Variants in SBF2 observed in about 807,000 individuals in gnomAD.
The protein encoded by SBF2 is myotubularin-related protein 13.
SBF2 carries 112 observed loss-of-function variants against 225.2 expected under a neutral mutation model. The observed-to-expected ratio is 0.50, with a 90% CI of 0.43 to 0.58. The LOEUF is 0.58. SBF2 is among the 20% of genes least tolerant of loss of function. The probability of loss-of-function intolerance (pLI) is 0.00; values close to 1 mark genes in which losing one functional copy is unlikely to be tolerated. For missense variants in SBF2, 1,996 were observed against 2,206.2 expected (o/e 0.90, Z 1.91); for synonymous variants, 763 against 773.3 (o/e 0.99, Z 0.22).
In SBF2 at chr11:10,108,530, T is replaced by C. The variant is rs1004774085; in HGVS notation, c.142-65549A>G. Among the ~76,000 whole-genome samples, 13 of 140,786 alleles carry C rather than the reference T, an allele frequency of 9.2e-5. No homozygotes were observed. In the South Asian group the frequency reaches 3.1e-3, roughly 34 times the overall value. The allele number at this position is 140,786 out of a possible 152,430, so 92.4% of individuals were successfully genotyped here. ...TAATAGTTAACTTTTTTTTTTTTTT[T>C]TTTTTTTTTTTTGAGACGGAGTCTC... is the stretch of plus-strand genomic sequence containing the variant. On this transcript the variant is annotated intron_variant, in intron 2 of 39. Transcript: ENST00000256190.
In SBF2 at chr11:9,841,534, C is replaced by CT. The variant is rs11289335; in HGVS notation, c.3256+1090dup. 7.5e-4 allele frequency among the ~76,000 whole-genome samples: 107 copies of CT among 143,126 alleles called. 1 individual carries two copies. Among genetic ancestry groups the CT allele is most frequent in the African/African-American group, 2.3e-3 (91 of 39,068 alleles). The allele number at this position is 143,126 out of a possible 152,430, so 93.9% of individuals were successfully genotyped here. On this transcript the variant is annotated intron_variant, in intron 25 of 39. Coordinates refer to ENST00000256190, the MANE Select transcript of SBF2 (RefSeq NM_030962.4). Reference sequence around the variant, plus strand: ...ACATACATACAAAACCACATAGGTTCTTTTTTTTTTTTTTGAGGCAGAGTC... The same window carrying CT: ...ACATACATACAAAACCACATAGGTTCTTTTTTTTTTTTTTTGAGGCAGAGTC...
intron 32 of SBF2, among the ~76,000 whole-genome samples, chr11:9,797,896 CAGG>C (rs1158130202): frequency 6.6e-6 from 1 of 152,086 alleles, no homozygotes. Context: ...CGCTTGTGTC[CAGG>C]AGTTCGAAGC....
At chr11:10,228,878 T>C (rs1958697368) in intron 1 of SBF2, among the ~76,000 whole-genome samples, 1 of 152,160 alleles carries the variant, frequency 6.6e-6, no homozygotes, top group Non-Finnish European at 1.5e-5. Flanking sequence ...ATTGGAATAG[T>C]TTCAGAAGGA....
intron 2 of SBF2, among the ~76,000 whole-genome samples, chr11:10,161,529 A>C (rs1955735980): frequency 6.6e-6 from 1 of 152,212 alleles, no homozygotes; most frequent in Non-Finnish European, 1.5e-5. Flanking sequence ...CTGGCTGTTC[A>C]CCAGTATCCA....
At chr11:10,098,217 G>A (rs35815123) in intron 2 of SBF2, among the ~76,000 whole-genome samples, 26,229 of 151,992 alleles carry the variant, frequency 0.17, 2,452 homozygotes, top group East Asian at 0.28. Context: ...GGACACTACC[G>A]TAGAGAAAAT....
intron 16 of SBF2, among the ~76,000 whole-genome samples, chr11:9,906,203 G>C (rs1196745240): frequency 6.6e-6 from 1 of 152,152 alleles, no homozygotes; most frequent in Non-Finnish European, 1.5e-5. Flanking sequence ...GAGGCCCAAG[G>C]CAATAAAGTT....
rs57653852 is a variant in SBF2 at position 10,258,081 on chromosome 11, TAC to T, written c.55+35932_55+35933del. 1.3e-3 allele frequency among the ~76,000 whole-genome samples: 179 copies of T among 138,930 alleles called. 1 individual carries two copies. The highest frequency in any genetic ancestry group is 3.1e-3 in the East Asian group (15 of 4,780). 91.1% of individuals were successfully genotyped at this position (138,930 alleles called of 152,430 possible). A position where few individuals can be genotyped will look rare whatever the true frequency, so the allele number is the denominator to read the frequency against. On this transcript the variant is annotated intron_variant, in intron 1 of 39. Transcript: ENST00000256190. ...TCTAAGAGGTATAAATACACACACA[TAC>T]ACACACACACACACACACACACACA... is the stretch of plus-strand genomic sequence containing the variant.
intron 28 of SBF2, among the ~76,000 whole-genome samples, chr11:9,824,967 C>T (rs1001043463): frequency 2.0e-5 from 3 of 152,106 alleles, no homozygotes; most frequent in Non-Finnish European, 4.4e-5. Flanking sequence ...TTCAAATTCA[C>T]TGAGAAAGAA....
intron 1 of SBF2, among the ~76,000 whole-genome samples, chr11:10,261,026 A>G (rs577680769): frequency 3.3e-5 from 5 of 152,304 alleles, no homozygotes; most frequent in African/African-American, 1.2e-4. Context: ...ATCTGAACAG[A>G]CCCTTCACCA....
In SBF2 at chr11:10,201,767, G is replaced by A. The variant is rs1331551944; in HGVS notation, c.56-7780C>T. 2.0e-5 allele frequency among the ~76,000 whole-genome samples: 3 copies of A among 152,248 alleles called. No homozygotes were observed. In the South Asian group the frequency reaches 6.2e-4, roughly 32 times the overall value. ...TCCCAGCACTTTGGGAGGCCAAGGCGGGCAGATCACTTGAGGTCAGGAGTT... is the reference window on the plus strand; with the variant it reads ...TCCCAGCACTTTGGGAGGCCAAGGCAGGCAGATCACTTGAGGTCAGGAGTT... On this transcript the variant is annotated intron_variant, in intron 1 of 39. Transcript: ENST00000256190.
At position 9,792,867 on chromosome 11, in the gene SBF2, C is replaced by G. The variant is rs147986348; in HGVS notation, c.4571-2184G>C. Among the ~76,000 whole-genome samples, 453 of 151,732 alleles carry G rather than the reference C, an allele frequency of 3.0e-3. 2 individuals carry two copies. Among genetic ancestry groups the G allele is most frequent in the African/African-American group, 0.01 (416 of 41,338 alleles). ...TCCTGGGCTCAAGTGATCCTCCCAC[C>G]GCAGCCTCCTGAACAGCTGCAACTA... is the stretch of plus-strand genomic sequence containing the variant. On this transcript the variant is annotated intron_variant, in intron 33 of 39. Coordinates refer to ENST00000256190, the MANE Select transcript of SBF2 (RefSeq NM_030962.4).
chr11:10,152,735 G>A (rs1441256109), intron 2 of SBF2, among the ~76,000 whole-genome samples: 1 of 152,102 alleles, frequency 6.6e-6, no homozygotes, highest in Non-Finnish European at 1.5e-5. Flanking sequence ...TATACCATAA[G>A]AAACATATAA....
chr11:9,844,141 C>T (rs1481468661), intron 24 of SBF2, among the ~76,000 whole-genome samples: 1 of 152,196 alleles, frequency 6.6e-6, no homozygotes, highest in East Asian at 1.9e-4. Context: ...AGGCTCCTCT[C>T]CGACCCTATG....
intron 28 of SBF2, among the ~76,000 whole-genome samples, chr11:9,818,997 C>A (rs1347636829): frequency 6.6e-6 from 1 of 152,214 alleles, no homozygotes; most frequent in Non-Finnish European, 1.5e-5. Context: ...GCTGGGATTA[C>A]AGGTGCGAGC....
At chr11:9,922,522 T>C (rs755496465) in intron 16 of SBF2, among the ~76,000 whole-genome samples, 19 of 152,218 alleles carry the variant, frequency 1.2e-4, no homozygotes, top group South Asian at 1.0e-3. Flanking sequence ...TTTGCCTAAA[T>C]AGAAGTTTAC....
rs1373769878 is a variant in SBF2, at chr11:9,868,955, T to C, written c.1930-10559A>G. Among the ~76,000 whole-genome samples, 3 of 152,334 alleles carry C rather than the reference T, an allele frequency of 2.0e-5. No homozygotes were observed. In the East Asian group the frequency reaches 5.8e-4, roughly 29 times the overall value. On this transcript the variant is annotated intron_variant, in intron 17 of 39. Transcript: ENST00000256190. ...GGATGTTGATTGTCAATGCCCAGATTTGTTAATATTAGAAGTTGTAAAATT... is the reference window on the plus strand; with the variant it reads ...GGATGTTGATTGTCAATGCCCAGATCTGTTAATATTAGAAGTTGTAAAATT...
At position 10,193,996 on chromosome 11, in the gene SBF2, A is replaced by G; in HGVS notation, c.56-9T>C. On this transcript the variant is annotated splice_polypyrimidine_tract_variant and intron_variant, in intron 1 of 39. Coordinates refer to ENST00000256190, the MANE Select transcript of SBF2 (RefSeq NM_030962.4). Reference sequence around the variant, plus strand: ...CAGACCTTCTCCTGATCCTGTTAATAAAATCAAAGTGAATCATTATTATAG... The same window carrying G: ...CAGACCTTCTCCTGATCCTGTTAATGAAATCAAAGTGAATCATTATTATAG... 1 of 1,573,610 alleles carries G rather than the reference A, an allele frequency of 6.4e-7. No homozygotes were observed. Among genetic ancestry groups the G allele is most frequent in the Non-Finnish European group, 8.7e-7 (1 of 1,143,210 alleles).
At chr11:9,805,833 A>G (rs936373726) in intron 32 of SBF2, among the ~76,000 whole-genome samples, 1 of 152,144 alleles carries the variant, frequency 6.6e-6, no homozygotes, top group Non-Finnish European at 1.5e-5. Context: ...CATGTTGGCC[A>G]GGATGGTTTT....
intron 2 of SBF2, among the ~76,000 whole-genome samples, chr11:10,102,140 G>T (rs1457896716): frequency 1.3e-5 from 2 of 152,152 alleles, no homozygotes; most frequent in Non-Finnish European, 2.9e-5. Context: ...TTAAGGTCAG[G>T]TATCAGATTT....
Sources: allele counts gnomAD v4.1 joint callset (sites outside exome capture counted in the v4.1 genomes callset), GRCh38; gene constraint gnomAD v4.1.1; transcripts MANE v1.5; gene names NCBI Gene and HGNC (gene_info 2026-07-23, HGNC 2026-07-21).